ARB2A: variants seen among roughly 807,000 people sequenced by gnomAD.
ARB2A encodes cotranscriptional regulator ARB2A.
chr5:93,949,794 C>T, the ARB2A span, among the ~76,000 whole-genome samples: 1 of 152,108 alleles, frequency 6.6e-6, no homozygotes, highest in Non-Finnish European at 1.5e-5. Flanking sequence ...CCCCTACAAC[C>T]CATTATCATT....
chr5:93,633,675 G>A, the ARB2A span, among the ~76,000 whole-genome samples: 1 of 152,174 alleles, frequency 6.6e-6, no homozygotes, highest in East Asian at 1.9e-4. Context: ...ACTGACAAAA[G>A]CAAATCGCAA....
At chr5:93,912,407 T>C in the ARB2A span, among the ~76,000 whole-genome samples, 1 of 151,834 alleles carries the variant, frequency 6.6e-6, no homozygotes, top group Non-Finnish European at 1.5e-5. Flanking sequence ...TTAAAAGATA[T>C]TAAACCTCTG....
chr5:93,751,580 T>C, the ARB2A span, among the ~76,000 whole-genome samples: 4 of 152,310 alleles, frequency 2.6e-5, no homozygotes, highest in African/African-American at 9.6e-5. Context: ...ACACTCCTGC[T>C]TTTAAAGTGC....
At chr5:93,690,136 A>G in the ARB2A span, among the ~76,000 whole-genome samples, 1 of 152,312 alleles carries the variant, frequency 6.6e-6, no homozygotes, top group Admixed American at 6.5e-5. Flanking sequence ...CTGTTTGGGC[A>G]GACAACGAGC....
chr5:94,057,755 T>C, the ARB2A span, among the ~76,000 whole-genome samples: 1 of 152,084 alleles, frequency 6.6e-6, no homozygotes, highest in East Asian at 1.9e-4. Context: ...GCAGCCAGAA[T>C]TGAGAGAAAA....
At chr5:94,001,346 C>G in the ARB2A span, among the ~76,000 whole-genome samples, 43 of 151,996 alleles carry the variant, frequency 2.8e-4, no homozygotes, top group Non-Finnish European at 6.2e-4. Context: ...CCTCAAGTAG[C>G]TCGTGTACAA....
the ARB2A span, among the ~76,000 whole-genome samples, chr5:93,976,319 C>T: frequency 6.6e-6 from 1 of 152,194 alleles, no homozygotes; most frequent in African/African-American, 2.4e-5. Context: ...TCATACCGTA[C>T]AGGCAAAAGT....
chr5:93,804,288 T>A, the ARB2A span, among the ~76,000 whole-genome samples: 13 of 152,100 alleles, frequency 8.5e-5, no homozygotes, highest in South Asian at 1.4e-3. Flanking sequence ...AAGAAAGATA[T>A]TTCCTTAACA....
the ARB2A span, among the ~76,000 whole-genome samples, chr5:94,042,896 G>T: frequency 6.6e-6 from 1 of 151,992 alleles, no homozygotes; most frequent in African/African-American, 2.4e-5. Flanking sequence ...CTATAATTCT[G>T]ATATGCTTCA....
chr5:93,944,643 G>T, the ARB2A span, among the ~76,000 whole-genome samples: 2 of 151,696 alleles, frequency 1.3e-5, no homozygotes, highest in Non-Finnish European at 2.9e-5. Flanking sequence ...GAGATAGGGA[G>T]GAGGGAGAAA....
chr5:94,061,352 G>A, the ARB2A span, among the ~76,000 whole-genome samples: 184 of 152,244 alleles, frequency 1.2e-3, no homozygotes, highest in Non-Finnish European at 2.2e-3. Context: ...TACAACTAAC[G>A]TAATGCTTAA....
the ARB2A span, among the ~76,000 whole-genome samples, chr5:93,967,596 A>G: frequency 6.6e-6 from 1 of 152,100 alleles, no homozygotes; most frequent in Admixed American, 6.6e-5. Context: ...GAGGAGGTTC[A>G]ACCTTAAGGG....
At chr5:93,673,494 A>G in the ARB2A span, among the ~76,000 whole-genome samples, 2 of 152,192 alleles carry the variant, frequency 1.3e-5, 1 homozygote, top group Non-Finnish European at 2.9e-5. Flanking sequence ...AAAGTACAAC[A>G]GCTTCTTCAG....
chr5:93,944,415 G>T, the ARB2A span, among the ~76,000 whole-genome samples: 1 of 152,050 alleles, frequency 6.6e-6, no homozygotes, highest in Non-Finnish European at 1.5e-5. Flanking sequence ...CGCCAACATA[G>T]TAGGACCCCA....
chr5:93,630,601 G>A, the ARB2A span, among the ~76,000 whole-genome samples: 1 of 152,244 alleles, frequency 6.6e-6, no homozygotes, highest in East Asian at 1.9e-4. Context: ...AAGCGTGGGG[G>A]TGGTACAAGA....
At chr5:94,005,196 G>GT in the ARB2A span, among the ~76,000 whole-genome samples, 7 of 151,544 alleles carry the variant, frequency 4.6e-5, no homozygotes, top group East Asian at 1.9e-4. Flanking sequence ...GCCACTCCGT[G>GT]TTTTTTTTGT....
the ARB2A span, among the ~76,000 whole-genome samples, chr5:93,760,873 G>A: frequency 4.6e-5 from 7 of 152,280 alleles, no homozygotes; most frequent in East Asian, 1.9e-4. Flanking sequence ...ACCCAAAAGC[G>A]AATGCAATAA....
the ARB2A span, among the ~76,000 whole-genome samples, chr5:93,873,239 T>C: frequency 2.0e-5 from 3 of 147,624 alleles, no homozygotes; most frequent in Admixed American, 2.0e-4. Context: ...CTACAGTGAG[T>C]TATGATGTCA....
the ARB2A span, among the ~76,000 whole-genome samples, chr5:94,081,918 A>G: frequency 6.6e-6 from 1 of 152,090 alleles, no homozygotes; most frequent in Non-Finnish European, 1.5e-5. Context: ...TTTACGTTCT[A>G]TAAAACAGAA....
Sources: gnomAD v4.1 joint callset for allele counts (sites outside exome capture counted in the v4.1 genomes callset) on GRCh38, gnomAD v4.1.1 for gene constraint, MANE v1.5 for transcripts, NCBI Gene and HGNC (gene_info 2026-07-23, HGNC 2026-07-21) for gene names.